CEP85: variants seen among roughly 807,000 people sequenced by gnomAD.
CEP85 encodes the protein centrosomal protein of 85 kDa.
A neutral mutation model predicts 93.7 loss-of-function variants in CEP85; 58 were observed. The ratio of observed to expected loss-of-function variants is 0.62; its 90% CI spans 0.50 to 0.77. The LOEUF (loss-of-function observed/expected upper bound fraction) is 0.77. Among genes scored for constraint, CEP85 ranks in the 30% least tolerant of loss-of-function variants. The pLI, the probability that CEP85 is intolerant of heterozygous loss-of-function variation, is 0.00. For synonymous variants in CEP85, 314 were observed against 338.6 expected (o/e 0.93, Z 0.80); for missense variants, 868 against 922.0 (o/e 0.94, Z 0.76).
chr1:26,268,456 A>C (rs773770372), intron 7 of CEP85, 27 bp from the exon 8 acceptor site: 25 of 1,613,708 alleles, frequency 1.5e-5, no homozygotes, highest in Non-Finnish European at 1.9e-5. Flanking sequence ...TGAATGGTGG[A>C]GACAGACTTG....
In CEP85 at chr1:26,252,934, TTC is replaced by T. The variant is rs1440227375; in HGVS notation, c.209-2231_209-2230del. Among the ~76,000 whole-genome samples the T allele has an allele frequency of 7.2e-5, 11 of 152,186 alleles. No individual in the cohort carries two copies. In the South Asian group the frequency reaches 1.7e-3, roughly 23 times the overall value. On this transcript the variant is annotated intron_variant, in intron 3 of 13. Transcript: ENST00000451429. ...TCCCAGCTTCTGGTAACCACAATTA[TTC>T]TCTCTGTTTCTATGTGTCGAGGTTT...
intron 3 of CEP85, among the ~76,000 whole-genome samples, chr1:26,248,928 G>A (rs538967368): frequency 1.3e-5 from 2 of 151,284 alleles, no homozygotes; most frequent in South Asian, 2.1e-4. Flanking sequence ...GGGTTTCACC[G>A]TGTTAGCCAG....
At chr1:26,259,527 A>G in intron 6 of CEP85, 90 bp from the exon 7 acceptor site, 3 of 1,215,616 alleles carry the variant, frequency 2.5e-6, no homozygotes, top group South Asian at 1.6e-5. Flanking sequence ...GAGAAAAATG[A>G]TATTTGACCG....
At chr1:26,259,244 C>T (rs2089769068) in intron 6 of CEP85, among the ~76,000 whole-genome samples, 1 of 152,060 alleles carries the variant, frequency 6.6e-6, no homozygotes, top group Admixed American at 6.6e-5. Flanking sequence ...GCTTTGAGCC[C>T]AGGTCTTCTG....
At chr1:26,271,907 T>C (rs1348462329) in intron 10 of CEP85, 114 bp from the exon 11 acceptor site, 1 of 829,390 alleles carries the variant, frequency 1.2e-6, no homozygotes, top group Admixed American at 2.1e-5. Context: ...TTTATCCTGG[T>C]CTTACTCTTA....
chr1:26,250,599 A>G (rs773718336), intron 3 of CEP85, among the ~76,000 whole-genome samples: 1 of 152,244 alleles, frequency 6.6e-6, no homozygotes, highest in Non-Finnish European at 1.5e-5. Flanking sequence ...AATGTGGACA[A>G]AGACCTCACC....
Position 26,258,193 on chromosome 1 carries a change from T to C in CEP85, c.1088T>C (p.Leu363Pro). The change falls in exon 6 of 14, where the codon CTG (leucine) becomes CCG (proline). Residue 363 changes from leucine to proline, a missense_variant. Leu to Pro is a moderately conservative substitution (Grantham distance 98). Coordinates refer to ENST00000451429, the MANE Select transcript of CEP85 (RefSeq NM_001319944.2). ...GAGCAGAAAGTGCGAGAGAGCGAAC[T>C]GCAAGTCCACAGTGCCCTCTTGGGC... ...QLEQKVRESE[L>P]QVHSALLGRP... 1 of 1,614,178 alleles carries C rather than the reference T, an allele frequency of 6.2e-7. No homozygotes were observed. Among genetic ancestry groups the C allele is most frequent in the Admixed American group, 1.7e-5 (1 of 60,026 alleles).
In CEP85 at chr1:26,277,638, A is replaced by C. The variant is rs779373297; in HGVS notation, c.*345A>C. ...CATCCAATGGGATGGATCCATGTTCATTCCCACTTCACACCTTGGTCCTGC... is the reference window on the plus strand; with the variant it reads ...CATCCAATGGGATGGATCCATGTTCCTTCCCACTTCACACCTTGGTCCTGC... On this transcript the variant is annotated 3_prime_UTR_variant, in exon 14 of 14. Coordinates refer to ENST00000451429, the MANE Select transcript of CEP85 (RefSeq NM_001319944.2). 39 of 188,438 alleles carry C rather than the reference A, an allele frequency of 2.1e-4. No individual in the cohort carries two copies. The highest frequency in any genetic ancestry group is 3.6e-4 in the Non-Finnish European group (32 of 87,908). 11.7% of individuals were successfully genotyped at this position (188,438 alleles called of 1,614,324 possible).
intron 11 of CEP85, among the ~76,000 whole-genome samples, chr1:26,273,019 CA>C (rs1199102895): frequency 1.3e-5 from 2 of 152,042 alleles, no homozygotes; most frequent in East Asian, 1.9e-4. Context: ...AAGAAAGGTC[CA>C]GGGGGACTGT....
chr1:26,251,532 T>G (rs1207530136), intron 3 of CEP85, among the ~76,000 whole-genome samples: 2 of 152,110 alleles, frequency 1.3e-5, no homozygotes, highest in African/African-American at 4.8e-5. Flanking sequence ...ATTACAGGCA[T>G]GAGCCACCAT....
Position 26,272,617 on chromosome 1 carries a change from ATTTTTTT to A in CEP85, c.1794+567_1794+573del, listed in dbSNP as rs397861910. Among the ~76,000 whole-genome samples the A allele has an allele frequency of 1.2e-4, 11 of 89,690 alleles. 1 individual carries two copies. The highest frequency in any genetic ancestry group is 2.5e-4 in the African/African-American group (5 of 19,706). The allele number at this position is 89,690 out of a possible 152,430, so 58.8% of individuals were successfully genotyped here. ...GTAGGTGGTGGGCATCTATTACAGC[ATTTTTTT>A]TTTTTTTTTTTTTTTTTTTTGGAGA... On this transcript the variant is annotated intron_variant, in intron 11 of 13. Coordinates refer to ENST00000451429, the MANE Select transcript of CEP85 (RefSeq NM_001319944.2).
intron 2 of CEP85, among the ~76,000 whole-genome samples, chr1:26,243,554 T>C (rs2089461185): frequency 6.6e-6 from 1 of 152,060 alleles, no homozygotes; most frequent in South Asian, 2.1e-4. Context: ...GTAGGCAAGA[T>C]TATGTTTGTA....
intron 4 of CEP85, among the ~76,000 whole-genome samples, chr1:26,256,906 T>A (rs532415315): frequency 2.0e-4 from 21 of 105,170 alleles, no homozygotes; most frequent in Admixed American, 1.6e-3. Context: ...TGTATTTTCC[T>A]TTTTTTGTTT....
At chr1:26,239,936 T>C (rs907220345) in intron 2 of CEP85, 98 bp downstream of exon 2, 4 of 878,868 alleles carry the variant, frequency 4.6e-6, no homozygotes, top group Non-Finnish European at 5.6e-6. Context: ...TTCACTGAAA[T>C]GCTGGTGCTA....
intron 3 of CEP85, chr1:26,254,440 A>C (rs2089664951): frequency 6.6e-6 from 1 of 151,704 alleles, no homozygotes; most frequent in South Asian, 2.1e-4. Context: ...AAAAAAAAAA[A>C]CACAGTTGGG....
At chr1:26,250,830 A>G (rs1459276742) in intron 3 of CEP85, among the ~76,000 whole-genome samples, 2 of 151,624 alleles carry the variant, frequency 1.3e-5, no homozygotes, top group Admixed American at 6.6e-5. Context: ...GTCCAAAGGC[A>G]TAGTGGCAGC....
At position 26,268,583 on chromosome 1, in the gene CEP85, G is replaced by A. The variant is rs373834084; in HGVS notation, c.1442G>A (p.Arg481His). 1.1e-4 allele frequency: 179 copies of A among 1,613,788 alleles called. No homozygotes were observed. The highest frequency in any genetic ancestry group is 1.4e-4 in the Non-Finnish European group (164 of 1,179,900). Reference protein sequence around the residue: ...EKQQRIETLERYLADLPTLED... With the variant: ...EKQQRIETLEHYLADLPTLED... ...CAGCAGCGTATTGAGACCTTGGAGC[G>A]CTACCTGGCTGACCTGCCCACACTG... The change falls in exon 8 of 14, where the codon CGC becomes CAC. Residue 481 changes from arginine (R) to histidine (H), a missense_variant. By Grantham distance (29) the Arg-to-His change is conservative. Transcript: ENST00000451429.
Position 26,268,521 on chromosome 1 carries a change from G to C in CEP85, c.1380G>C (p.Lys460Asn). 1 of 1,614,058 alleles carries C rather than the reference G, an allele frequency of 6.2e-7. No individual in the cohort carries two copies. Among genetic ancestry groups the C allele is most frequent in the Non-Finnish European group, 8.5e-7 (1 of 1,179,992 alleles). Reference sequence around the variant, plus strand: ...ATAAACATATCAATAATTTGAAAAAGAAATGCCAGAAGGAATCAGAGCAGA... The same window carrying C: ...ATAAACATATCAATAATTTGAAAAACAAATGCCAGAAGGAATCAGAGCAGA... The part of the protein sequence containing the change: ...GRDKHINNLK[K>N]KCQKESEQNR... Residue 460 changes from lysine (K) to asparagine (N), a missense_variant, in exon 8 of 14, where the codon AAG becomes AAC. Transcript: ENST00000451429.
chr1:26,243,079 A>G lies in CEP85; in HGVS notation c.56-1087A>G, dbSNP rs1047266808. 5.3e-5 allele frequency among the ~76,000 whole-genome samples: 8 copies of G among 151,372 alleles called. No individual in the cohort carries two copies. The East Asian group carries it at 5.8e-4, about 11-fold the overall frequency. The stretch of plus-strand genomic sequence containing the variant: ...ACTTTCAAAACTCACCTTGATCTCA[A>G]TAGGATTCACCTATTGAGGGTACCC... On this transcript the variant is annotated intron_variant, in intron 2 of 13. Transcript: ENST00000451429.
Sources: gnomAD v4.1 joint callset for allele counts (sites outside exome capture counted in the v4.1 genomes callset) on GRCh38, gnomAD v4.1.1 for gene constraint, MANE v1.5 for transcripts, NCBI Gene and HGNC (gene_info 2026-07-23, HGNC 2026-07-21) for gene names.